POFUT3: variants seen among roughly 807,000 people sequenced by gnomAD.
POFUT3 encodes the protein protein O-fucosyltransferase 3.
At chr8:33,446,856 G>A in the POFUT3 span, among the ~76,000 whole-genome samples, 5 of 152,248 alleles carry the variant, frequency 3.3e-5, no homozygotes, top group East Asian at 7.7e-4. Context: ...TGAAGAATGA[G>A]GACTGCAGCA....
the POFUT3 span, among the ~76,000 whole-genome samples, chr8:33,427,674 C>T: frequency 8.5e-5 from 13 of 152,272 alleles, no homozygotes; most frequent in Admixed American, 2.6e-4. Context: ...GGAAAGCAGA[C>T]GACAAGCCCA....
chr8:33,389,074 A>C, the POFUT3 span: 1 of 1,614,160 alleles, frequency 6.2e-7, no homozygotes, highest in Non-Finnish European at 8.5e-7. Flanking sequence ...GTTCCCTGAG[A>C]GCTGTCAGAA....
the POFUT3 span, among the ~76,000 whole-genome samples, chr8:33,376,762 A>G: frequency 2.7e-4 from 41 of 152,368 alleles, no homozygotes; most frequent in South Asian, 6.2e-4. Flanking sequence ...TTGTGATTAC[A>G]TTAGCCAGAG....
chr8:33,400,545 G>A, the POFUT3 span, among the ~76,000 whole-genome samples: 1 of 152,114 alleles, frequency 6.6e-6, no homozygotes, highest in Non-Finnish European at 1.5e-5. Flanking sequence ...AAGGAAGAAA[G>A]GAAGGGAGGG....
At chr8:33,444,107 T>C in the POFUT3 span, among the ~76,000 whole-genome samples, 1 of 150,004 alleles carries the variant, frequency 6.7e-6, no homozygotes, top group African/African-American at 2.5e-5. Context: ...ACCAAAGGAG[T>C]AAGAGGGCTT....
At chr8:33,451,066 ATGTGTG>A in the POFUT3 span, among the ~76,000 whole-genome samples, 2 of 148,022 alleles carry the variant, frequency 1.4e-5, no homozygotes, top group Non-Finnish European at 3.0e-5. Context: ...AAGGAGGTGT[ATGTGTG>A]TGTGTGTGTG....
chr8:33,405,018 T>C, the POFUT3 span, among the ~76,000 whole-genome samples: 1 of 152,180 alleles, frequency 6.6e-6, no homozygotes, highest in Non-Finnish European at 1.5e-5. Flanking sequence ...ACTTTCCAAA[T>C]TGCTCAAGTC....
the POFUT3 span, among the ~76,000 whole-genome samples, chr8:33,448,097 T>C: frequency 6.6e-6 from 1 of 152,022 alleles, no homozygotes; most frequent in African/African-American, 2.4e-5. Flanking sequence ...CCCAATACTT[T>C]GGGAGGGCGA....
the POFUT3 span, among the ~76,000 whole-genome samples, chr8:33,451,066 ATGTG>A: frequency 5.4e-5 from 8 of 148,104 alleles, no homozygotes; most frequent in East Asian, 2.0e-4. Context: ...AAGGAGGTGT[ATGTG>A]TGTGTGTGTG....
the POFUT3 span, among the ~76,000 whole-genome samples, chr8:33,321,570 G>C: frequency 6.6e-6 from 1 of 152,002 alleles, no homozygotes; most frequent in Non-Finnish European, 1.5e-5. Context: ...AGATGCTCTC[G>C]AAAGTCCCAG....
At chr8:33,315,770 A>T in the POFUT3 span, among the ~76,000 whole-genome samples, 24 of 151,888 alleles carry the variant, frequency 1.6e-4, no homozygotes, top group Non-Finnish European at 2.8e-4. Flanking sequence ...TCTTTTTTTC[A>T]TTAAGCTAGT....
At chr8:33,334,687 T>A in the POFUT3 span, among the ~76,000 whole-genome samples, 474 of 152,356 alleles carry the variant, frequency 3.1e-3, 5 homozygotes, top group African/African-American at 9.9e-3. Flanking sequence ...CCGGGCTTTC[T>A]GGACATAAAC....
the POFUT3 span, among the ~76,000 whole-genome samples, chr8:33,472,708 G>C: frequency 4.1e-4 from 63 of 152,344 alleles, no homozygotes; most frequent in Non-Finnish European, 7.8e-4. Flanking sequence ...GGAGGAGGCC[G>C]ATCGGGGCAG....
At chr8:33,463,155 A>G in the POFUT3 span, among the ~76,000 whole-genome samples, 4 of 152,106 alleles carry the variant, frequency 2.6e-5, no homozygotes, top group Admixed American at 6.6e-5. Context: ...ATATAATTAG[A>G]TATCATTAGT....
the POFUT3 span, among the ~76,000 whole-genome samples, chr8:33,362,218 TGAGA>T: frequency 6.6e-6 from 1 of 152,044 alleles, no homozygotes; most frequent in African/African-American, 2.4e-5. Flanking sequence ...AAGCAAATGC[TGAGA>T]GATTTTGTCA....
the POFUT3 span, chr8:33,436,338 C>G: frequency 7.5e-7 from 1 of 1,338,954 alleles, no homozygotes; most frequent in Non-Finnish European, 1.1e-6. Flanking sequence ...ATCCTCTGCC[C>G]GCTCCATGTG....
chr8:33,434,751 G>A, the POFUT3 span, among the ~76,000 whole-genome samples: 5 of 152,022 alleles, frequency 3.3e-5, no homozygotes, highest in Admixed American at 6.6e-5. Context: ...TCCCTAGAGC[G>A]AGGCTCACTG....
At chr8:33,354,335 T>C in the POFUT3 span, among the ~76,000 whole-genome samples, 1 of 152,260 alleles carries the variant, frequency 6.6e-6, no homozygotes, top group African/African-American at 2.4e-5. Context: ...GTTGGTGGTG[T>C]AATTCCCTGT....
the POFUT3 span, among the ~76,000 whole-genome samples, chr8:33,351,297 G>A: frequency 3.3e-5 from 5 of 152,124 alleles, no homozygotes; most frequent in African/African-American, 4.8e-5. Flanking sequence ...ATAAGTGTAC[G>A]CTATAGTTTG....
Sources: gnomAD v4.1 joint callset for allele counts (sites outside exome capture counted in the v4.1 genomes callset) on GRCh38, gnomAD v4.1.1 for gene constraint, MANE v1.5 for transcripts, NCBI Gene and HGNC (gene_info 2026-07-23, HGNC 2026-07-21) for gene names.